The following JAK2 variants were observed in gnomAD, a reference collection of about 807,000 sequenced individuals.
JAK2 encodes the protein tyrosine-protein kinase JAK2.
A neutral mutation model predicts 139.3 loss-of-function variants in JAK2; 86 were observed. The observed-to-expected ratio is 0.62, with a 90% CI of 0.52 to 0.74. The LOEUF is 0.74. Ranked by LOEUF, JAK2 falls within the 30% of genes least tolerant of loss-of-function variation. The pLI is 0.00. For missense variants in JAK2, 1,421 were observed against 1,360.3 expected, an observed-to-expected ratio of 1.04 and a Z score of -0.70; for synonymous variants, 490 against 437.7, an observed-to-expected ratio of 1.12 and a Z score of -1.49.
At position 5,078,519 on chromosome 9, in the gene JAK2, T is replaced by C. The variant is rs1488381263; in HGVS notation, c.2131+75T>C. 4 of 1,088,036 alleles carry C rather than the reference T, an allele frequency of 3.7e-6. No individual in the cohort carries two copies. The Admixed American group carries it at 9.8e-5, about 27-fold the overall frequency. The allele number at this position is 1,088,036 out of a possible 1,614,324, so 67.4% of individuals were successfully genotyped here. ...GTGGTGTAAAGGGCATGTTGTTAAT[T>C]TTCCTTGAATTCCATTTAATTTGTA... On this transcript the variant is annotated intron_variant, in intron 16 of 24. Coordinates refer to ENST00000381652, the MANE Select transcript of JAK2 (RefSeq NM_004972.4).
chr9:5,058,618 G>A (rs1817936713), intron 8 of JAK2, among the ~76,000 whole-genome samples: 1 of 152,126 alleles, frequency 6.6e-6, no homozygotes, highest in Non-Finnish European at 1.5e-5. Context: ...TAATTTTTTA[G>A]GGAGCCACCA....
chr9:5,036,158 C>G (rs1823584065), intron 4 of JAK2, among the ~76,000 whole-genome samples: 1 of 152,064 alleles, frequency 6.6e-6, no homozygotes, highest in South Asian at 2.1e-4. Context: ...ACCTAGGAAT[C>G]CAACTTACAA....
rs555340188 is a variant in JAK2, at chr9:5,037,000, TCTAA to T, written c.350+7096_350+7099del. On this transcript the variant is annotated intron_variant, in intron 4 of 24. Transcript: ENST00000381652. ...CTAATATCCAGAATATACAATGAAC[TCTAA>T]CAAATTTACAAGAAAACAACAACCC... Among the ~76,000 whole-genome samples, 589 of 152,208 alleles carry T rather than the reference TCTAA, an allele frequency of 3.9e-3. 4 individuals carry two copies. The highest frequency in any genetic ancestry group is 0.014 in the African/African-American group (561 of 41,506).
In JAK2 at chr9:5,050,547, A is replaced by C; in HGVS notation, c.469-139A>C. 6.4e-6 allele frequency: 5 copies of C among 778,576 alleles called. No homozygotes were observed. The East Asian group carries it at 1.1e-4, about 17-fold the overall frequency. The allele number at this position is 778,576 out of a possible 1,614,324, so 48.2% of individuals were successfully genotyped here. On this transcript the variant is annotated intron_variant, in intron 5 of 24. Transcript: ENST00000381652. ...TGGCCTCCCAAAGTTCTGGGATTAC[A>C]GGCATGAGCCACTGAGCCTGGCCAA...
At chr9:5,097,862 G>A (rs1187408674) in intron 22 of JAK2, 1 of 152,122 alleles carries the variant, frequency 6.6e-6, no homozygotes, top group Admixed American at 6.5e-5. Flanking sequence ...CCCATTCTCA[G>A]GTTATATGCT....
At chr9:5,001,707 T>C (rs925791412) in intron 2 of JAK2, among the ~76,000 whole-genome samples, 4 of 152,084 alleles carry the variant, frequency 2.6e-5, no homozygotes, top group African/African-American at 4.8e-5. Flanking sequence ...TTGGAAATTA[T>C]TTCTGCCCCT....
At chr9:5,081,984 T>G (rs1819734661) in intron 19 of JAK2, 123 bp downstream of exon 19, 1 of 775,020 alleles carries the variant, frequency 1.3e-6, no homozygotes, top group Non-Finnish European at 2.1e-6. Context: ...AAAGGTTTGG[T>G]TGTCAGATGT....
chr9:5,090,123 A>T (rs1820464018), intron 20 of JAK2, among the ~76,000 whole-genome samples: 1 of 152,194 alleles, frequency 6.6e-6, no homozygotes, highest in African/African-American at 2.4e-5. Flanking sequence ...TTTTGTTTAC[A>T]TTTTCTATAA....
intron 4 of JAK2, among the ~76,000 whole-genome samples, chr9:5,039,746 A>G (rs1816346046): frequency 6.6e-6 from 1 of 152,148 alleles, no homozygotes. Context: ...TAGCATAACA[A>G]ATTTTTAGGA....
chr9:5,036,253 C>A (rs889539673), intron 4 of JAK2, among the ~76,000 whole-genome samples: 1 of 152,188 alleles, frequency 6.6e-6, no homozygotes, highest in Non-Finnish European at 1.5e-5. Context: ...AAGAACATTC[C>A]ATGCTCATGG....
chr9:5,082,985 T>C (rs1819818778), intron 19 of JAK2, among the ~76,000 whole-genome samples: 2 of 152,216 alleles, frequency 1.3e-5, no homozygotes, highest in South Asian at 4.1e-4. Context: ...CTGATCTCTC[T>C]TTCTTTTCCC....
intron 2 of JAK2, among the ~76,000 whole-genome samples, chr9:4,991,744 C>T (rs1458433233): frequency 6.9e-6 from 1 of 144,922 alleles, no homozygotes; most frequent in African/African-American, 2.5e-5. Context: ...CAGGCAACCA[C>T]CTGTCCTCTG....
intron 22 of JAK2, chr9:5,111,776 G>A (rs2130800827): frequency 4.7e-6 from 2 of 421,618 alleles, no homozygotes; most frequent in East Asian, 6.4e-5. Flanking sequence ...GCTTCCGGCT[G>A]CATCCACCTT....
At chr9:5,010,404 T>A (rs1250757989) in intron 2 of JAK2, among the ~76,000 whole-genome samples, 1 of 151,910 alleles carries the variant, frequency 6.6e-6, no homozygotes, top group Non-Finnish European at 1.5e-5. Flanking sequence ...CGTTGCAACC[T>A]CTGCCTTCGG....
At chr9:5,048,065 A>G (rs1817143260) in intron 5 of JAK2, among the ~76,000 whole-genome samples, 1 of 152,220 alleles carries the variant, frequency 6.6e-6, no homozygotes, top group South Asian at 2.1e-4. Context: ...CTCATTTTTC[A>G]TATATTTATT....
At position 5,073,632 on chromosome 9, in the gene JAK2, G is replaced by T. The variant is rs1210805186; in HGVS notation, c.1777-66G>T. On this transcript the variant is annotated intron_variant, in intron 13 of 24. Coordinates refer to ENST00000381652, the MANE Select transcript of JAK2 (RefSeq NM_004972.4). The stretch of plus-strand genomic sequence containing the variant: ...AAGTGCATCTTTATTATGGCAGAGA[G>T]AATTTTCTGAACTATTTATGGACAA... The T allele has an allele frequency of 5.1e-6, 6 of 1,167,888 alleles. No individual in the cohort carries two copies. The Admixed American group carries it at 5.3e-5, about 10-fold the overall frequency. The allele number at this position is 1,167,888 out of a possible 1,614,324, so 72.3% of individuals were successfully genotyped here. A position where few individuals can be genotyped will look rare whatever the true frequency, so the allele number is the denominator to read the frequency against.
At chr9:5,062,500 T>TAAAGAAA (rs1818254704) in intron 8 of JAK2, among the ~76,000 whole-genome samples, 1 of 58,248 alleles carries the variant, frequency 1.7e-5, no homozygotes, top group African/African-American at 1.0e-4. Flanking sequence ...CTTCCATTTG[T>TAAAGAAA]AAAAAAAAAA....
intron 4 of JAK2, among the ~76,000 whole-genome samples, chr9:5,037,667 T>A (rs946824649): frequency 6.6e-6 from 1 of 151,902 alleles, no homozygotes; most frequent in Non-Finnish European, 1.5e-5. Flanking sequence ...TGAGAACACA[T>A]GGACACAGGA....
At chr9:5,095,563 C>T (rs570084457) in intron 22 of JAK2, among the ~76,000 whole-genome samples, 7 of 152,218 alleles carry the variant, frequency 4.6e-5, no homozygotes, top group South Asian at 2.1e-4. Context: ...CTTTCACTTC[C>T]GAGTCCCAGA....
Sources: gnomAD v4.1 joint callset for allele counts (sites outside exome capture counted in the v4.1 genomes callset) on GRCh38, gnomAD v4.1.1 for gene constraint, MANE v1.5 for transcripts, NCBI Gene and HGNC (gene_info 2026-07-23, HGNC 2026-07-21) for gene names.